The following TBC1D5 variants were observed in gnomAD, a reference collection of about 807,000 sequenced individuals.
TBC1D5 encodes TBC1 domain family, member 5.
TBC1D5 carries 75 observed loss-of-function variants against 100.3 expected under a neutral mutation model. The observed-to-expected ratio is 0.75, with a 90% CI of 0.62 to 0.91. TBC1D5 has a LOEUF of 0.91. Among genes scored for constraint, TBC1D5 ranks in the 40% least tolerant of loss-of-function variants. The pLI, the probability that TBC1D5 is intolerant of heterozygous loss-of-function variation, is 0.00. For synonymous variants in TBC1D5, 323 were observed against 325.6 expected (o/e 0.99, Z 0.09); for missense variants, 910 against 942.4 (o/e 0.97, Z 0.45).
intron 1 of TBC1D5, among the ~76,000 whole-genome samples, chr3:17,734,112 T>C (rs1008175769): frequency 3.3e-5 from 5 of 152,232 alleles, no homozygotes; most frequent in African/African-American, 1.2e-4. Context: ...GGATATTAGC[T>C]GTAATAATGT....
intron 3 of TBC1D5, among the ~76,000 whole-genome samples, chr3:17,429,321 T>C (rs916586689): frequency 1.3e-5 from 2 of 151,884 alleles, no homozygotes; most frequent in Admixed American, 6.6e-5. Flanking sequence ...TGAAATTTCA[T>C]AGTTCAATTT....
intron 13 of TBC1D5, among the ~76,000 whole-genome samples, chr3:17,339,097 A>G (rs1017026873): frequency 6.6e-6 from 1 of 152,214 alleles, no homozygotes. Flanking sequence ...CACAGTACTG[A>G]AAGTGCAATT....
chr3:17,611,329 G>C (rs925801775), intron 2 of TBC1D5, among the ~76,000 whole-genome samples: 1 of 152,150 alleles, frequency 6.6e-6, no homozygotes, highest in Admixed American at 6.5e-5. Context: ...AAATGTAATA[G>C]AGATGATACT....
At chr3:17,530,775 A>C (rs1338310321) in intron 2 of TBC1D5, among the ~76,000 whole-genome samples, 1 of 152,194 alleles carries the variant, frequency 6.6e-6, no homozygotes, top group East Asian at 1.9e-4. Flanking sequence ...CTTTGACAAA[A>C]TTCAACAACC....
At chr3:17,702,050 T>C (rs1352894146) in intron 1 of TBC1D5, 1 of 152,108 alleles carries the variant, frequency 6.6e-6, no homozygotes, top group Admixed American at 6.5e-5. Flanking sequence ...AATGTGCAAC[T>C]TTATGAAATA....
intron 2 of TBC1D5, among the ~76,000 whole-genome samples, chr3:17,602,803 C>G (rs2061065101): frequency 6.6e-6 from 1 of 151,948 alleles, no homozygotes; most frequent in Admixed American, 6.6e-5. Context: ...TCTCGATCTC[C>G]TGACCTCGTG....
At chr3:17,350,520 C>T (rs1310145721) in intron 13 of TBC1D5, among the ~76,000 whole-genome samples, 1 of 152,118 alleles carries the variant, frequency 6.6e-6, no homozygotes, top group Non-Finnish European at 1.5e-5. Flanking sequence ...TGTGTACTAC[C>T]TGCATGTAAT....
chr3:17,232,765 C>A (rs1576159317), intron 17 of TBC1D5, among the ~76,000 whole-genome samples: 1 of 152,104 alleles, frequency 6.6e-6, no homozygotes, highest in East Asian at 1.9e-4. Flanking sequence ...CTTTTCTGTT[C>A]CACCCCCCCT....
chr3:17,590,978 A>G (rs1438343133), intron 2 of TBC1D5, among the ~76,000 whole-genome samples: 2 of 151,940 alleles, frequency 1.3e-5, no homozygotes, highest in Non-Finnish European at 2.9e-5. Context: ...AGTGGCTCAC[A>G]CCTGTAATCC....
At chr3:17,160,239 T>C (rs1432648537) in exon 22 of TBC1D5, 1 of 152,230 alleles carries the variant, frequency 6.6e-6, no homozygotes, top group Non-Finnish European at 1.5e-5. Context: ...CCAAAGTTGA[T>C]ATGGCCTAAG....
chr3:17,725,049 C>G (rs957972665), intron 1 of TBC1D5, among the ~76,000 whole-genome samples: 1 of 152,068 alleles, frequency 6.6e-6, no homozygotes, highest in Non-Finnish European at 1.5e-5. Flanking sequence ...TCAATAAATA[C>G]AGTTGTTTTA....
intron 13 of TBC1D5, among the ~76,000 whole-genome samples, chr3:17,326,389 T>C (rs2086139391): frequency 6.6e-6 from 1 of 152,210 alleles, no homozygotes. Flanking sequence ...GCTTTTTAGT[T>C]GCATTTAGTC....
chr3:17,729,952 T>C (rs1259351140), intron 1 of TBC1D5, among the ~76,000 whole-genome samples: 1 of 150,554 alleles, frequency 6.6e-6, no homozygotes, highest in Non-Finnish European at 1.5e-5. Context: ...CTACTAAAAA[T>C]ACAAAAAAAT....
chr3:17,404,826 G>A (rs1210320524), intron 6 of TBC1D5, 46 bp downstream of exon 6: 4 of 1,570,262 alleles, frequency 2.5e-6, no homozygotes, highest in African/African-American at 1.4e-5. Flanking sequence ...ACTTTAAAGT[G>A]TACATAAGAA....
At chr3:17,372,097 T>C in exon 13 of TBC1D5, 1 of 1,612,408 alleles carries the variant, frequency 6.2e-7, no homozygotes. Context: ...TGTGGTGCAA[T>C]TTCTAGTCTG....
At chr3:17,658,865 T>C (rs941632180) in intron 1 of TBC1D5, among the ~76,000 whole-genome samples, 11 of 152,184 alleles carry the variant, frequency 7.2e-5, no homozygotes, top group African/African-American at 2.7e-4. Flanking sequence ...GGTTTTGCCA[T>C]GTTGGCCAGG....
intron 3 of TBC1D5, among the ~76,000 whole-genome samples, chr3:17,461,181 C>G (rs1213313861): frequency 2.6e-5 from 4 of 152,154 alleles, no homozygotes; most frequent in Non-Finnish European, 5.9e-5. Context: ...ACGTATTACT[C>G]TCAGGTATGT....
intron 9 of TBC1D5, among the ~76,000 whole-genome samples, chr3:17,377,027 C>T (rs962432969): frequency 1.3e-5 from 2 of 151,982 alleles, no homozygotes; most frequent in African/African-American, 4.8e-5. Context: ...AAATTACATC[C>T]AATGTTTTCA....
At chr3:17,426,392 CCTA>C (rs926137366) in intron 4 of TBC1D5, among the ~76,000 whole-genome samples, 32 of 152,038 alleles carry the variant, frequency 2.1e-4, no homozygotes, top group African/African-American at 7.5e-4. Flanking sequence ...AGAGCTACTG[CCTA>C]CTGAGTAGAA....
Sources: gnomAD v4.1 joint callset for allele counts (sites outside exome capture counted in the v4.1 genomes callset) on GRCh38, gnomAD v4.1.1 for gene constraint, MANE v1.5 for transcripts, NCBI Gene and HGNC (gene_info 2026-07-23, HGNC 2026-07-21) for gene names.